IFT52: variants seen among roughly 807,000 people sequenced by gnomAD.
IFT52 encodes intraflagellar transport 52.
A neutral mutation model predicts 54.4 loss-of-function variants in IFT52; 44 were observed. That is an observed-to-expected ratio of 0.81 (90% CI 0.63 to 1.04). IFT52 has a LOEUF of 1.04. Ranked by LOEUF, IFT52 falls within the 50% of genes least tolerant of loss-of-function variation. IFT52 has a pLI of 0.00. For missense variants in IFT52, 452 were observed against 523.6 expected (o/e 0.86, Z 1.33); for synonymous variants, 181 against 185.3 (o/e 0.98, Z 0.19).
chr20:43,628,207 G>T (rs973863574), intron 10 of IFT52, among the ~76,000 whole-genome samples: 1 of 151,934 alleles, frequency 6.6e-6, no homozygotes, highest in Non-Finnish European at 1.5e-5. Context: ...GAGATTACAG[G>T]CATGAGCCAC....
intron 10 of IFT52, 71 bp from the exon 11 acceptor site, chr20:43,635,855 C>T (rs1985491978): frequency 1.5e-6 from 2 of 1,341,872 alleles, no homozygotes; most frequent in Non-Finnish European, 2.1e-6. Context: ...GAGAACAACA[C>T]AGTGTGGTCA....
In IFT52 at chr20:43,642,517, G is replaced by GGT; in HGVS notation, c.1161_1162dup (p.Asp388ValfsTer6). On this transcript the variant is annotated frameshift_variant, in exon 13 of 14. Transcript: ENST00000373030. LOFTEE classifies it high-confidence loss of function. ...CCTGGAATTTTATGTCAGGAAGTGT[G>GGT]GTGATATTCTTGGAGTAACCAGTAA... The GGT allele has an allele frequency of 6.2e-7, 1 of 1,614,058 alleles. No individual in the cohort carries two copies. The highest frequency in any genetic ancestry group is 8.5e-7 in the Non-Finnish European group (1 of 1,179,930).
intron 12 of IFT52, among the ~76,000 whole-genome samples, chr20:43,638,236 C>A (rs1388594923): frequency 1.3e-5 from 2 of 151,906 alleles, no homozygotes; most frequent in Admixed American, 6.6e-5. Context: ...TGTCGCCCAG[C>A]CTTGGGTGCA....
intron 6 of IFT52, among the ~76,000 whole-genome samples, chr20:43,609,202 A>G (rs541555957): frequency 2.0e-5 from 3 of 151,552 alleles, no homozygotes; most frequent in Non-Finnish European, 2.9e-5. Flanking sequence ...TGATCATGCC[A>G]CTGTACTCCA....
intron 6 of IFT52, 163 bp downstream of exon 6, chr20:43,605,236 C>A (rs139335270): frequency 4.3e-5 from 61 of 1,414,382 alleles, no homozygotes; most frequent in Admixed American, 6.1e-5. Flanking sequence ...TGCTCCTCCC[C>A]CTGAAGGTAG....
chr20:43,593,998 T>A (rs1255361126), intron 1 of IFT52, among the ~76,000 whole-genome samples: 1 of 152,152 alleles, frequency 6.6e-6, no homozygotes, highest in Non-Finnish European at 1.5e-5. Flanking sequence ...AATAAAACTG[T>A]AAGTTAATAT....
Position 43,597,328 on chromosome 20 carries a change from G to A in IFT52, c.207+806G>A, listed in dbSNP as rs994240577. 2.7e-5 allele frequency among the ~76,000 whole-genome samples: 4 copies of A among 147,394 alleles called. 1 individual carries two copies. Among genetic ancestry groups the A allele is most frequent in the African/African-American group, 2.5e-5 (1 of 39,958 alleles). ...GGAGCTTGCTGTGTGCCAAGATCGC[G>A]CCATCTCACTCCAGCCTGGGCAACA... is the stretch of plus-strand genomic sequence containing the variant. On this transcript the variant is annotated intron_variant, in intron 3 of 13. Coordinates refer to ENST00000373030, the MANE Select transcript of IFT52 (RefSeq NM_016004.5).
rs553117722 is a variant in IFT52, at chr20:43,611,495, G to A, written c.486-2355G>A. Among the ~76,000 whole-genome samples the A allele has an allele frequency of 2.3e-5, 3 of 128,816 alleles. No homozygotes were observed. In the South Asian group the frequency reaches 8.1e-4, roughly 35 times the overall value. The allele number at this position is 128,816 out of a possible 152,430, so 84.5% of individuals were successfully genotyped here. The stretch of plus-strand genomic sequence containing the variant: ...GAGACAGAGTTTCGCCCAGGCTGGA[G>A]TGCAATGGCACCATCTCATCTCACT... On this transcript the variant is annotated intron_variant, in intron 6 of 13. Coordinates refer to ENST00000373030, the MANE Select transcript of IFT52 (RefSeq NM_016004.5).
chr20:43,643,023 C>T (rs943652164), intron 13 of IFT52, among the ~76,000 whole-genome samples: 5 of 151,798 alleles, frequency 3.3e-5, no homozygotes, highest in Non-Finnish European at 7.4e-5. Flanking sequence ...AAAAATTAGC[C>T]GGGCATCATG....
intron 10 of IFT52, among the ~76,000 whole-genome samples, chr20:43,626,252 A>G (rs1984708944): frequency 6.6e-6 from 1 of 150,808 alleles, no homozygotes; most frequent in Admixed American, 6.6e-5. Flanking sequence ...CATCTAAAGC[A>G]TACATCTTTT....
intron 1 of IFT52, among the ~76,000 whole-genome samples, chr20:43,593,431 T>C (rs990038047): frequency 1.3e-5 from 2 of 152,204 alleles, no homozygotes; most frequent in African/African-American, 4.8e-5. Flanking sequence ...AATATGCAAA[T>C]TGCAGAAAAA....
intron 10 of IFT52, among the ~76,000 whole-genome samples, chr20:43,629,508 G>A (rs1314844429): frequency 1.3e-5 from 2 of 152,064 alleles, no homozygotes; most frequent in Non-Finnish European, 2.9e-5. Context: ...TCCTGACCTC[G>A]TTATCTGCCC....
chr20:43,591,752 T>A (rs1252740690), intron 1 of IFT52, among the ~76,000 whole-genome samples: 1 of 152,104 alleles, frequency 6.6e-6, no homozygotes, highest in Non-Finnish European at 1.5e-5. Flanking sequence ...TAAACTAGCA[T>A]AGAAGATGGG....
intron 9 of IFT52, among the ~76,000 whole-genome samples, chr20:43,622,489 G>A (rs1167339210): frequency 1.3e-5 from 2 of 151,706 alleles, no homozygotes; most frequent in African/African-American, 4.8e-5. Context: ...TGTAGTCCCA[G>A]CTACTCGGGA....
chr20:43,642,657 G>A (rs1397660700), intron 13 of IFT52, 33 bp downstream of exon 13: 1 of 1,606,470 alleles, frequency 6.2e-7, no homozygotes, highest in Admixed American at 1.7e-5. Flanking sequence ...TGTAGTGGGA[G>A]CCCCTCCAGT....
At chr20:43,605,300 C>T in intron 6 of IFT52, 1 of 1,177,048 alleles carries the variant, frequency 8.5e-7, no homozygotes, top group South Asian at 1.8e-5. Flanking sequence ...AATCCTAGCA[C>T]TTTTGGGAGG....
At chr20:43,608,865 G>A (rs182484044) in intron 6 of IFT52, among the ~76,000 whole-genome samples, 1 of 152,044 alleles carries the variant, frequency 6.6e-6, no homozygotes, top group African/African-American at 2.4e-5. Context: ...CCGAGATTGC[G>A]CCGCTGCACT....
chr20:43,591,445 AT>A (rs1377410258), intron 1 of IFT52, among the ~76,000 whole-genome samples: 2 of 152,222 alleles, frequency 1.3e-5, no homozygotes, highest in African/African-American at 4.8e-5. Context: ...TGTTATTTTT[AT>A]AGTTTTAAAG....
chr20:43,635,876 C>A, intron 10 of IFT52, 50 bp from the exon 11 acceptor site: 3 of 1,526,530 alleles, frequency 2.0e-6, no homozygotes, highest in Non-Finnish European at 2.7e-6. Context: ...GTTAGACGTG[C>A]TGAGCTATAG....
Sources: gnomAD v4.1 joint callset for allele counts (sites outside exome capture counted in the v4.1 genomes callset) on GRCh38, gnomAD v4.1.1 for gene constraint, MANE v1.5 for transcripts, NCBI Gene and HGNC (gene_info 2026-07-23, HGNC 2026-07-21) for gene names.